The following CFAP43 variants were observed in gnomAD, a reference collection of about 807,000 sequenced individuals.
CFAP43 encodes the protein cilia and flagella associated protein 43, also known as cilia- and flagella-associated protein 43.
In CFAP43, 155 loss-of-function variants were observed where a neutral mutation model predicts 218.9. The ratio of observed to expected loss-of-function variants is 0.71; its 90% confidence interval spans 0.62 to 0.81. The LOEUF (loss-of-function observed/expected upper bound fraction) is 0.81. CFAP43 is among the 30% of genes least tolerant of loss of function. The pLI is 0.00. For synonymous variants in CFAP43, 645 were observed against 681.3 expected, an observed-to-expected ratio of 0.95 and a Z score of 0.83; for missense variants, 1,778 against 1,954.3, an observed-to-expected ratio of 0.91 and a Z score of 1.70.
chr10:104,132,304 T>G, intron 35 of CFAP43, 108 bp from the exon 36 acceptor site: 1 of 846,334 alleles, frequency 1.2e-6, no homozygotes, highest in Non-Finnish European at 1.8e-6. Context: ...AACAAATATC[T>G]ATGCAAGTTA....
At chr10:104,205,123 G>T (rs686380) in intron 7 of CFAP43, among the ~76,000 whole-genome samples, 1 of 142,366 alleles carries the variant, frequency 7.0e-6, no homozygotes, top group Non-Finnish European at 1.5e-5. Flanking sequence ...TGAGGCAGGA[G>T]AATGGCGTGA....
chr10:104,150,702 A>G (rs1445900994), intron 28 of CFAP43, among the ~76,000 whole-genome samples: 2 of 152,130 alleles, frequency 1.3e-5, no homozygotes, highest in South Asian at 2.1e-4. Context: ...TAAATTTGGG[A>G]GACCCGGCAT....
rs1286962253 is a variant in CFAP43 at position 104,185,142 on chromosome 10, G to A, written c.2015C>T (p.Thr672Ile). 1.9e-6 allele frequency: 3 copies of A among 1,613,612 alleles called. No homozygotes were observed. In the Admixed American group the frequency reaches 5.0e-5, roughly 27 times the overall value. Residue 672 changes from threonine to isoleucine, a missense_variant, in exon 16 of 38, where the codon ACA (threonine) becomes ATA (isoleucine). By Grantham distance (89) the Thr-to-Ile change is moderately conservative. This residue lies in a region of CFAP43 where 1,553 missense variants were observed against 1,685.2 expected (regional missense o/e 0.92). Coordinates refer to ENST00000357060, the MANE Select transcript of CFAP43 (RefSeq NM_025145.7). ...AGAATGACTCCGACACCAAGCAAATGTTTCCTCAATAGTTAAGAAATAAAC... is the reference window on the plus strand; with the variant it reads ...AGAATGACTCCGACACCAAGCAAATATTTCCTCAATAGTTAAGAAATAAAC... ...LCIRDVYTLE[T>I]FAWCRSHSHQ...
intron 28 of CFAP43, 23 bp downstream of exon 28, chr10:104,152,584 A>G (rs1466769484): frequency 1.2e-6 from 2 of 1,611,458 alleles, no homozygotes; most frequent in Admixed American, 1.7e-5. Context: ...CTTAAAAGTC[A>G]CATAAGTAAA....
chr10:104,181,365 A>G (rs1046267177), intron 17 of CFAP43, among the ~76,000 whole-genome samples: 1 of 152,000 alleles, frequency 6.6e-6, no homozygotes, highest in Non-Finnish European at 1.5e-5. Flanking sequence ...CATCATTGCT[A>G]CCTGAACCTC....
chr10:104,194,038 C>T (rs554419813), intron 10 of CFAP43, 24 bp from the exon 11 acceptor site: 41 of 1,609,320 alleles, frequency 2.5e-5, no homozygotes, highest in Non-Finnish European at 3.1e-5. Flanking sequence ...ACCCCAGATG[C>T]GTATCTCTAT....
chr10:104,198,113 C>A, intron 8 of CFAP43, 75 bp from the exon 9 acceptor site: 1 of 840,764 alleles, frequency 1.2e-6, no homozygotes, highest in South Asian at 1.6e-5. Flanking sequence ...TATTAAATGC[C>A]TACTGTAACC....
At chr10:104,192,129 G>A (rs1404442067) in intron 12 of CFAP43, 70 bp downstream of exon 12, 3 of 1,183,034 alleles carry the variant, frequency 2.5e-6, no homozygotes, top group Middle Eastern at 2.8e-4. Context: ...AATATGAAAA[G>A]TCCATTTTCA....
chr10:104,230,857 T>C lies in CFAP43; in HGVS notation c.66-14A>G, dbSNP rs781595083. 31 of 1,597,068 alleles carry C rather than the reference T, an allele frequency of 1.9e-5. No individual in the cohort carries two copies. In the South Asian group the frequency reaches 3.2e-4, roughly 16 times the overall value. On this transcript the variant is annotated splice_polypyrimidine_tract_variant and intron_variant, in intron 1 of 37. Coordinates refer to ENST00000357060, the MANE Select transcript of CFAP43 (RefSeq NM_025145.7). ...CCTTGCACCCATCTTTGGGAAAAGA[T>C]ATGTCAACATCAATATAATACATTT...
intron 33 of CFAP43, among the ~76,000 whole-genome samples, chr10:104,141,601 G>A (rs1023634931): frequency 2.0e-5 from 3 of 151,960 alleles, no homozygotes; most frequent in Admixed American, 6.6e-5. Flanking sequence ...ACAGAGTGAG[G>A]CTCCATTTCA....
chr10:104,198,897 C>G (rs994975405), intron 8 of CFAP43, among the ~76,000 whole-genome samples: 1 of 152,088 alleles, frequency 6.6e-6, no homozygotes, highest in Admixed American at 6.5e-5. Flanking sequence ...GTAATCCCCC[C>G]TCCTCGACCT....
intron 34 of CFAP43, among the ~76,000 whole-genome samples, chr10:104,135,104 CAG>C (rs1318054889): frequency 3.3e-5 from 5 of 151,298 alleles, no homozygotes; most frequent in African/African-American, 1.2e-4. Flanking sequence ...ACCTCATTAA[CAG>C]AACAAATTTA....
chr10:104,186,132 C>A lies in CFAP43; in HGVS notation c.1861-9G>T. ...TAGATACCGGTATGTTCCTGCCAAT[C>A]AAAGAAAATAACCACATTATAGAAA... On this transcript the variant is annotated splice_polypyrimidine_tract_variant and intron_variant, in intron 14 of 37. Transcript: ENST00000357060. 1.4e-6 allele frequency: 2 copies of A among 1,467,258 alleles called. No homozygotes were observed. Among genetic ancestry groups the A allele is most frequent in the Non-Finnish European group, 1.8e-6 (2 of 1,109,518 alleles). The allele number at this position is 1,467,258 out of a possible 1,614,324, so 90.9% of individuals were successfully genotyped here.
In CFAP43 at chr10:104,168,779, A is replaced by G; in HGVS notation, c.2656T>C (p.Trp886Arg). The part of the protein sequence containing the change: ...YLAELIKEEC[W>R]NSMAVKGRAL... Reference sequence around the variant, plus strand: ...CGACCTTTCACAGCCATCGAATTCCAACATTCTTCTTTGATAAGTTCAGCC... The same window carrying G: ...CGACCTTTCACAGCCATCGAATTCCGACATTCTTCTTTGATAAGTTCAGCC... The change falls in exon 21 of 38, where the codon TGG (tryptophan) becomes CGG (arginine). Residue 886 changes from tryptophan (W) to arginine (R), a missense_variant. Transcript: ENST00000357060. The G allele has an allele frequency of 6.2e-7, 1 of 1,614,162 alleles. No homozygotes were observed. The highest frequency in any genetic ancestry group is 8.5e-7 in the Non-Finnish European group (1 of 1,180,016).
At chr10:104,206,833 G>T (rs772738572) in intron 6 of CFAP43, among the ~76,000 whole-genome samples, 2 of 152,180 alleles carry the variant, frequency 1.3e-5, no homozygotes, top group Non-Finnish European at 2.9e-5. Context: ...GTCAGGAATA[G>T]ACACTATATC....
chr10:104,185,798 C>T (rs1038212162), intron 15 of CFAP43, among the ~76,000 whole-genome samples, 176 bp downstream of exon 15: 4 of 152,170 alleles, frequency 2.6e-5, no homozygotes, highest in African/African-American at 4.8e-5. Context: ...TCTGTGAAAT[C>T]TCCTTCCTGT....
chr10:104,166,624 G>C lies in CFAP43; in HGVS notation c.2903C>G (p.Thr968Arg), dbSNP rs772722002. The change falls in exon 23 of 38, where the codon ACA becomes AGA. Residue 968 changes from threonine (T) to arginine (R), a missense_variant. Physicochemically the swap from Thr to Arg is moderately conservative, Grantham distance 71. Coordinates refer to ENST00000357060, the MANE Select transcript of CFAP43 (RefSeq NM_025145.7). ...ATTGGGCAAATTGCTATATTTTACT[G>C]TCTTGTCTTCCTCTTCCTCTTCTTC... is the stretch of plus-strand genomic sequence containing the variant. Reference protein sequence around the residue: ...DDEEEEEEDKTVKYSNLPNYL... With the variant: ...DDEEEEEEDKRVKYSNLPNYL... 4.3e-6 allele frequency: 7 copies of C among 1,614,116 alleles called. No individual in the cohort carries two copies. The highest frequency in any genetic ancestry group is 5.9e-6 in the Non-Finnish European group (7 of 1,180,008).
intron 3 of CFAP43, among the ~76,000 whole-genome samples, chr10:104,218,440 G>C (rs1382603156): frequency 6.6e-6 from 1 of 151,560 alleles, no homozygotes; most frequent in Non-Finnish European, 1.5e-5. Context: ...TTCTTCCAAG[G>C]TAATAATGTG....
chr10:104,225,702 A>C (rs1409479419), intron 2 of CFAP43, 145 bp from the exon 3 acceptor site: 1 of 674,802 alleles, frequency 1.5e-6, no homozygotes, highest in Non-Finnish European at 2.4e-6. Context: ...ATCCTGGCTA[A>C]TTTCTAAGAC....
Sources: allele counts gnomAD v4.1 joint callset (sites outside exome capture counted in the v4.1 genomes callset), GRCh38; gene constraint gnomAD v4.1.1; regional missense constraint gnomAD v4.1.1; transcripts MANE v1.5; gene names NCBI Gene and HGNC (gene_info 2026-07-23, HGNC 2026-07-21).